TRAT1: variants seen among roughly 807,000 people sequenced by gnomAD.
The protein encoded by TRAT1 is T cell receptor associated transmembrane adaptor 1, also known as T-cell receptor-associated transmembrane adapter 1.
TRAT1 carries 20 observed loss-of-function variants against 20.0 expected under a neutral mutation model. That is an observed-to-expected ratio of 1.00 (90% confidence interval 0.70 to 1.45). The LOEUF is 1.45. Ranked by LOEUF, TRAT1 falls within the 40% of genes most tolerant of loss-of-function variation. TRAT1 has a pLI of 0.00. For synonymous variants in TRAT1, 77 were observed against 74.2 expected, an observed-to-expected ratio of 1.04 and a Z score of -0.20; for missense variants, 237 against 224.1, an observed-to-expected ratio of 1.06 and a Z score of -0.37.
chr3:108,854,872 TTCTC>T lies in TRAT1; in HGVS notation c.*999_*1002del, dbSNP rs947618103. 43 of 152,168 alleles carry T rather than the reference TTCTC, an allele frequency of 2.8e-4. No individual in the cohort carries two copies. Among genetic ancestry groups the T allele is most frequent in the African/African-American group, 9.1e-4 (38 of 41,572 alleles). 9.4% of individuals were successfully genotyped at this position (152,168 alleles called of 1,614,324 possible). A position where few individuals can be genotyped will look rare whatever the true frequency, so the allele number is the denominator to read the frequency against. On this transcript the variant is annotated 3_prime_UTR_variant, in exon 6 of 6. Coordinates refer to ENST00000295756, the MANE Select transcript of TRAT1 (RefSeq NM_016388.4). ...AATTAAAAAATACTGCTTCACTGTCTTCTCTCTGTTTCATCAGAAACACATACTA... is the reference window on the plus strand; with the variant it reads ...AATTAAAAAATACTGCTTCACTGTCTTCTGTTTCATCAGAAACACATACTA...
At chr3:108,827,424 G>A (rs181326514) in intron 1 of TRAT1, among the ~76,000 whole-genome samples, 20 of 146,406 alleles carry the variant, frequency 1.4e-4, no homozygotes, top group Admixed American at 6.2e-4. Flanking sequence ...GTGTGTGTAC[G>A]TTTATACAGA....
intron 3 of TRAT1, among the ~76,000 whole-genome samples, chr3:108,846,642 ACT>A (rs1420045259): frequency 6.6e-6 from 1 of 152,056 alleles, no homozygotes; most frequent in African/African-American, 2.4e-5. Flanking sequence ...TCTAATTCTA[ACT>A]CTGCTATTTG....
At chr3:108,841,740 T>C (rs965721943) in intron 3 of TRAT1, among the ~76,000 whole-genome samples, 14 of 152,158 alleles carry the variant, frequency 9.2e-5, no homozygotes, top group African/African-American at 3.4e-4. Flanking sequence ...AAGGAAACCA[T>C]AGCACCTAAA....
chr3:108,834,457 T>C (rs1559821480), intron 2 of TRAT1, among the ~76,000 whole-genome samples: 2 of 152,230 alleles, frequency 1.3e-5, no homozygotes, highest in African/African-American at 4.8e-5. Context: ...TCTTTGTTTC[T>C]AACCCAGAGA....
At chr3:108,825,157 TAAAA>T (rs1945724738) in intron 1 of TRAT1, among the ~76,000 whole-genome samples, 1 of 152,098 alleles carries the variant, frequency 6.6e-6, no homozygotes, top group Non-Finnish European at 1.5e-5. Flanking sequence ...AAATAAAAAA[TAAAA>T]TAAATTTGAA....
In TRAT1 at chr3:108,845,213, C is replaced by T. The variant is rs551057426; in HGVS notation, c.153-1855C>T. Among the ~76,000 whole-genome samples the T allele has an allele frequency of 6.6e-5, 10 of 152,266 alleles. 1 individual carries two copies. In the South Asian group the frequency reaches 2.1e-3, roughly 32 times the overall value. Reference sequence around the variant, plus strand: ...TTTAAATTTGTTTGTTAGGCAATTGCTCCTGAATAATAGTTTATTTGAGAT... The same window carrying T: ...TTTAAATTTGTTTGTTAGGCAATTGTTCCTGAATAATAGTTTATTTGAGAT... On this transcript the variant is annotated intron_variant, in intron 3 of 5. Coordinates refer to ENST00000295756, the MANE Select transcript of TRAT1 (RefSeq NM_016388.4).
Position 108,830,204 on chromosome 3 carries a change from G to T in TRAT1, c.8-466G>T, listed in dbSNP as rs575282439. ...AACAAAACTGGGCTCCAGAATTATTGTTTTATCCCAACACATCGTATTCTA... is the reference window on the plus strand; with the variant it reads ...AACAAAACTGGGCTCCAGAATTATTTTTTTATCCCAACACATCGTATTCTA... On this transcript the variant is annotated intron_variant, in intron 1 of 5. Transcript: ENST00000295756. Among the ~76,000 whole-genome samples the T allele has an allele frequency of 4.6e-5, 7 of 152,290 alleles. No homozygotes were observed. In the East Asian group the frequency reaches 1.2e-3, roughly 25 times the overall value.
At chr3:108,846,705 T>G (rs1322842075) in intron 3 of TRAT1, among the ~76,000 whole-genome samples, 1 of 152,214 alleles carries the variant, frequency 6.6e-6, no homozygotes, top group Non-Finnish European at 1.5e-5. Context: ...CTCAGATTTC[T>G]TATCTGCATA....
intron 4 of TRAT1, 79 bp from the exon 5 acceptor site, chr3:108,849,086 GT>G (rs1265024779): frequency 1.3e-5 from 16 of 1,206,404 alleles, no homozygotes; most frequent in Non-Finnish European, 1.9e-5. Flanking sequence ...GCAGCCAAAT[GT>G]TGTTTGGATC....
At chr3:108,851,285 T>G (rs1196298640) in intron 5 of TRAT1, among the ~76,000 whole-genome samples, 1 of 152,186 alleles carries the variant, frequency 6.6e-6, no homozygotes, top group Non-Finnish European at 1.5e-5. Context: ...GTTCAGAAAT[T>G]GTAATTTTAG....
At chr3:108,824,193 T>C (rs1224993657) in intron 1 of TRAT1, among the ~76,000 whole-genome samples, 1 of 152,206 alleles carries the variant, frequency 6.6e-6, no homozygotes, top group Non-Finnish European at 1.5e-5. Context: ...TTTTTAAAAA[T>C]ATTTTTACAT....
At chr3:108,844,218 C>T (rs1374767815) in intron 3 of TRAT1, among the ~76,000 whole-genome samples, 1 of 152,020 alleles carries the variant, frequency 6.6e-6, no homozygotes, top group African/African-American at 2.4e-5. Context: ...AACTTGGGAA[C>T]TGAAAAGAAC....
chr3:108,833,799 TACACACACACAC>T (rs3054303), intron 2 of TRAT1, among the ~76,000 whole-genome samples: 1 of 146,744 alleles, frequency 6.8e-6, no homozygotes, highest in African/African-American at 2.5e-5. Flanking sequence ...TTGTAAGAAT[TACACACACACAC>T]ACACACACAC....
intron 3 of TRAT1, among the ~76,000 whole-genome samples, chr3:108,840,625 A>C (rs1256882482): frequency 6.6e-6 from 1 of 152,180 alleles, no homozygotes. Flanking sequence ...ATAGCAAAAT[A>C]AGTTTGCTGA....
chr3:108,837,882 T>G (rs1945853691), intron 2 of TRAT1, among the ~76,000 whole-genome samples: 1 of 152,208 alleles, frequency 6.6e-6, no homozygotes, highest in Admixed American at 6.5e-5. Flanking sequence ...TTTTCAATAA[T>G]TCATCATGAA....
chr3:108,844,452 T>G (rs1452934337), intron 3 of TRAT1, among the ~76,000 whole-genome samples: 2 of 144,712 alleles, frequency 1.4e-5, no homozygotes, highest in Non-Finnish European at 2.9e-5. Flanking sequence ...TTTAGTTATT[T>G]AAATGGACTT....
intron 5 of TRAT1, among the ~76,000 whole-genome samples, chr3:108,851,821 G>A (rs72949574): frequency 0.019 from 2,966 of 152,192 alleles, 94 homozygotes; most frequent in African/African-American, 0.067. Flanking sequence ...CATACAATTT[G>A]TGGTCCTTTC....
intron 5 of TRAT1, among the ~76,000 whole-genome samples, chr3:108,853,054 GA>G: frequency 6.6e-6 from 1 of 152,332 alleles, no homozygotes; most frequent in East Asian, 1.9e-4. Flanking sequence ...AGGCAGATAA[GA>G]AAATAATAGG....
chr3:108,830,228 T>C (rs1216613197), intron 1 of TRAT1, among the ~76,000 whole-genome samples: 1 of 152,218 alleles, frequency 6.6e-6, no homozygotes, highest in African/African-American at 2.4e-5. Flanking sequence ...CATCGTATTC[T>C]ATACTACTGA....
Sources: gnomAD v4.1 joint callset for allele counts (sites outside exome capture counted in the v4.1 genomes callset) on GRCh38, gnomAD v4.1.1 for gene constraint, MANE v1.5 for transcripts, NCBI Gene and HGNC (gene_info 2026-07-23, HGNC 2026-07-21) for gene names.